UTRN: variants seen among roughly 807,000 people sequenced by gnomAD.
UTRN encodes dystrophin-related protein 1.
In UTRN, 283 loss-of-function variants were observed where a neutral mutation model predicts 463.9. The ratio of observed to expected loss-of-function variants is 0.61; its 90% CI spans 0.55 to 0.67. The LOEUF is 0.67. Among genes scored for constraint, UTRN ranks in the 30% least tolerant of loss-of-function variants. The pLI is 0.00. For synonymous variants in UTRN, 1,442 were observed against 1,431.5 expected (o/e 1.01, Z -0.17); for missense variants, 3,922 against 4,084.3 (o/e 0.96, Z 1.08).
intron 53 of UTRN, among the ~76,000 whole-genome samples, chr6:144,725,432 T>G (rs1477951136): frequency 2.0e-5 from 3 of 152,252 alleles, no homozygotes; most frequent in Non-Finnish European, 4.4e-5. Context: ...TCAAGGTTCC[T>G]GTTTCTTCAC....
At chr6:144,613,144 GAA>G (rs1805705517) in intron 51 of UTRN, among the ~76,000 whole-genome samples, 1 of 151,964 alleles carries the variant, frequency 6.6e-6, no homozygotes, top group Non-Finnish European at 1.5e-5. Flanking sequence ...CTTATCTATG[GAA>G]TCTAATACAT....
intron 63 of UTRN, among the ~76,000 whole-genome samples, chr6:144,797,189 AT>A (rs5880614): frequency 0.35 from 49,338 of 141,896 alleles, 8,503 homozygotes; most frequent in Admixed American, 0.47. Flanking sequence ...CTTAGATGAA[AT>A]TTTTTTTTTT....
chr6:144,473,698 C>T (rs759567524), intron 23 of UTRN, 22 bp from the exon 24 acceptor site: 16 of 1,599,816 alleles, frequency 1.0e-5, no homozygotes, highest in African/African-American at 1.3e-5. Context: ...TAATATCCCC[C>T]TCTGTTATCA....
At chr6:144,826,694 A>T (rs1780216971) in intron 66 of UTRN, among the ~76,000 whole-genome samples, 1 of 152,078 alleles carries the variant, frequency 6.6e-6, no homozygotes, top group African/African-American at 2.4e-5. Flanking sequence ...ACTTCTAAAA[A>T]ACTTTTTTTT....
intron 41 of UTRN, among the ~76,000 whole-genome samples, chr6:144,530,329 C>T (rs1316272272): frequency 6.6e-6 from 1 of 152,188 alleles, no homozygotes; most frequent in East Asian, 1.9e-4. Context: ...ATTATAAGGA[C>T]ACCAGTCCTT....
chr6:144,322,188 C>T (rs915256032), intron 2 of UTRN, among the ~76,000 whole-genome samples: 5 of 152,286 alleles, frequency 3.3e-5, no homozygotes, highest in Middle Eastern at 6.8e-3. Context: ...TGAAATGATG[C>T]AGTTTTTTTT....
intron 60 of UTRN, among the ~76,000 whole-genome samples, chr6:144,777,047 T>C (rs1262882301): frequency 6.6e-6 from 1 of 152,172 alleles, no homozygotes; most frequent in Admixed American, 6.5e-5. Context: ...TTCTGTTTAT[T>C]AGTTATTGTT....
intron 54 of UTRN, among the ~76,000 whole-genome samples, chr6:144,743,130 CAATT>C (rs1204051851): frequency 2.0e-5 from 3 of 152,172 alleles, no homozygotes; most frequent in Non-Finnish European, 4.4e-5. Context: ...CCGTCCAACT[CAATT>C]AAGTAATTAT....
At chr6:144,339,964 T>G (rs1424008670) in intron 2 of UTRN, among the ~76,000 whole-genome samples, 1 of 152,158 alleles carries the variant, frequency 6.6e-6, no homozygotes, top group East Asian at 1.9e-4. Flanking sequence ...GGTCAGGAGT[T>G]TGAGACCAGC....
At chr6:144,676,547 T>A (rs943131604) in intron 51 of UTRN, among the ~76,000 whole-genome samples, 1 of 151,992 alleles carries the variant, frequency 6.6e-6, no homozygotes, top group Non-Finnish European at 1.5e-5. Flanking sequence ...TAATTATACT[T>A]TAAGTTCTGG....
intron 23 of UTRN, among the ~76,000 whole-genome samples, chr6:144,468,851 T>C (rs1790211173): frequency 6.6e-6 from 1 of 152,178 alleles, no homozygotes; most frequent in African/African-American, 2.4e-5. Context: ...TACAGGTTGA[T>C]TGTGACAATA....
intron 54 of UTRN, among the ~76,000 whole-genome samples, chr6:144,743,729 G>A (rs1054962992): frequency 2.0e-5 from 3 of 152,102 alleles, no homozygotes; most frequent in Non-Finnish European, 2.9e-5. Flanking sequence ...AAAGGAGAGC[G>A]TGGCATAAAT....
chr6:144,637,326 G>T (rs1777283874), intron 51 of UTRN, among the ~76,000 whole-genome samples: 1 of 151,860 alleles, frequency 6.6e-6, no homozygotes, highest in Admixed American at 6.6e-5. Flanking sequence ...TAGTTATGTG[G>T]CCCTTACGTT....
chr6:144,679,406 G>T (rs1199226563), intron 52 of UTRN, among the ~76,000 whole-genome samples: 2 of 152,122 alleles, frequency 1.3e-5, no homozygotes, highest in African/African-American at 4.8e-5. Context: ...ACATTGGCAG[G>T]AAGTCCTGGA....
chr6:144,591,626 TG>T (rs904200446), intron 51 of UTRN, among the ~76,000 whole-genome samples: 5 of 152,052 alleles, frequency 3.3e-5, no homozygotes, highest in Non-Finnish European at 5.9e-5. Context: ...AAAACAAACA[TG>T]GTTGCTTAGT....
intron 2 of UTRN, 147 bp downstream of exon 2, chr6:144,292,054 T>A (rs574300135): frequency 5.0e-6 from 4 of 796,008 alleles, no homozygotes; most frequent in Non-Finnish European, 1.9e-6. Context: ...ACTATAATTT[T>A]GTAAAAGGTA....
chr6:144,546,843 C>CA (rs1281659629), intron 46 of UTRN, among the ~76,000 whole-genome samples: 1 of 151,448 alleles, frequency 6.6e-6, no homozygotes, highest in East Asian at 1.9e-4. Context: ...AACAAACAAA[C>CA]AACTCTGTTT....
chr6:144,317,304 C>G (rs1775342294), intron 2 of UTRN, among the ~76,000 whole-genome samples: 1 of 152,124 alleles, frequency 6.6e-6, no homozygotes, highest in South Asian at 2.1e-4. Context: ...AGTTACAGTA[C>G]AGAAAATCAT....
At chr6:144,661,428 C>T (rs922881300) in intron 51 of UTRN, among the ~76,000 whole-genome samples, 1 of 152,152 alleles carries the variant, frequency 6.6e-6, no homozygotes, top group Non-Finnish European at 1.5e-5. Context: ...CTCTGCACCT[C>T]TACTGTAATG....
Sources: allele counts gnomAD v4.1 joint callset (sites outside exome capture counted in the v4.1 genomes callset), GRCh38; gene constraint gnomAD v4.1.1; transcripts MANE v1.5; gene names NCBI Gene and HGNC (gene_info 2026-07-23, HGNC 2026-07-21).